IMMP2L: variants seen among roughly 807,000 people sequenced by gnomAD.
IMMP2L encodes the protein inner mitochondrial membrane peptidase subunit 2.
IMMP2L carries 18 observed loss-of-function variants against 19.3 expected under a neutral mutation model. That is an observed-to-expected ratio of 0.93 (90% CI 0.64 to 1.38). The LOEUF is 1.38. Among genes scored for constraint, IMMP2L ranks in the 40% most tolerant of loss-of-function variants. The probability of loss-of-function intolerance (pLI) is 0.00; values close to 1 mark genes in which losing one functional copy is unlikely to be tolerated. For synonymous variants in IMMP2L, 76 were observed against 73.0 expected, an observed-to-expected ratio of 1.04 and a Z score of -0.21; for missense variants, 233 against 218.2, an observed-to-expected ratio of 1.07 and a Z score of -0.43.
chr7:111,207,747 G>A (rs964587449), intron 3 of IMMP2L, among the ~76,000 whole-genome samples: 3 of 151,754 alleles, frequency 2.0e-5, no homozygotes, highest in African/African-American at 7.3e-5. Context: ...TGTTGGCCAG[G>A]ATAGTCTCAA....
chr7:111,539,771 A>C (rs967162044), intron 1 of IMMP2L, among the ~76,000 whole-genome samples: 2 of 152,186 alleles, frequency 1.3e-5, no homozygotes, highest in Non-Finnish European at 2.9e-5. Flanking sequence ...TGAGGTTTGC[A>C]CTATATAATT....
At chr7:110,794,155 A>G (rs1800686534) in intron 5 of IMMP2L, among the ~76,000 whole-genome samples, 1 of 152,138 alleles carries the variant, frequency 6.6e-6, no homozygotes, top group African/African-American at 2.4e-5. Flanking sequence ...TTGGTATCTA[A>G]CGAAATGAAC....
intron 3 of IMMP2L, among the ~76,000 whole-genome samples, chr7:111,176,591 TAGAG>T (rs1807085124): frequency 6.6e-6 from 1 of 151,850 alleles, no homozygotes; most frequent in Admixed American, 6.6e-5. Context: ...CTCATGGAGA[TAGAG>T]AGAAGAATGA....
intron 2 of IMMP2L, among the ~76,000 whole-genome samples, chr7:111,500,909 A>G (rs1469407790): frequency 6.6e-6 from 1 of 152,194 alleles, no homozygotes; most frequent in Non-Finnish European, 1.5e-5. Flanking sequence ...TCTAAAAAGC[A>G]GAGTGCCTCT....
At chr7:110,969,383 A>C (rs895336713) in intron 3 of IMMP2L, among the ~76,000 whole-genome samples, 3 of 151,976 alleles carry the variant, frequency 2.0e-5, no homozygotes, top group South Asian at 2.1e-4. Flanking sequence ...TAAACTATAG[A>C]CTTTAGTTGT....
At chr7:110,958,169 T>G (rs1455405003) in intron 4 of IMMP2L, among the ~76,000 whole-genome samples, 1 of 152,024 alleles carries the variant, frequency 6.6e-6, no homozygotes, top group Non-Finnish European at 1.5e-5. Flanking sequence ...CACATGAACT[T>G]TAAATCAATT....
intron 4 of IMMP2L, among the ~76,000 whole-genome samples, chr7:110,893,564 T>G: frequency 6.6e-6 from 1 of 152,322 alleles, no homozygotes; most frequent in East Asian, 1.9e-4. Flanking sequence ...ATTTTTGACT[T>G]TTTACACAAA....
Position 110,957,152 on chromosome 7 carries a change from T to A in IMMP2L, c.305+6348A>T, listed in dbSNP as rs1312453024. 2.0e-5 allele frequency among the ~76,000 whole-genome samples: 3 copies of A among 151,908 alleles called. No individual in the cohort carries two copies. The East Asian group carries it at 5.8e-4, about 30-fold the overall frequency. ...TCAAGCAATTGCCTTGTGATTTTAA[T>A]CAATGCTGACATCAAGGTAGAAATT... is the stretch of plus-strand genomic sequence containing the variant. On this transcript the variant is annotated intron_variant, in intron 4 of 5. Coordinates refer to ENST00000405709, the MANE Select transcript of IMMP2L (RefSeq NM_032549.4).
chr7:111,536,542 A>G (rs1800826251), intron 1 of IMMP2L, among the ~76,000 whole-genome samples: 1 of 152,082 alleles, frequency 6.6e-6, no homozygotes, highest in African/African-American at 2.4e-5. Flanking sequence ...CCTGAATTCA[A>G]GTGGTCCACC....
At chr7:111,512,475 T>A (rs1440337636) in intron 2 of IMMP2L, among the ~76,000 whole-genome samples, 1 of 152,026 alleles carries the variant, frequency 6.6e-6, no homozygotes, top group East Asian at 1.9e-4. Flanking sequence ...TTACTTTTAA[T>A]ACTATTTATT....
chr7:111,179,869 T>A (rs2129610797), intron 3 of IMMP2L, among the ~76,000 whole-genome samples: 1 of 152,236 alleles, frequency 6.6e-6, no homozygotes, highest in South Asian at 2.1e-4. Flanking sequence ...TACACTTTTA[T>A]GTTACGAAAA....
intron 3 of IMMP2L, among the ~76,000 whole-genome samples, chr7:111,228,087 A>C (rs1813303220): frequency 6.6e-6 from 1 of 152,156 alleles, no homozygotes; most frequent in Non-Finnish European, 1.5e-5. Flanking sequence ...CAGATGGGCC[A>C]ACCAAGAATT....
chr7:111,381,843 C>A (rs1016764352), intron 3 of IMMP2L, among the ~76,000 whole-genome samples: 4 of 151,896 alleles, frequency 2.6e-5, no homozygotes, highest in African/African-American at 9.7e-5. Context: ...CTATAATGAG[C>A]TAAATGGAAG....
chr7:110,772,451 T>C (rs984251708), intron 5 of IMMP2L, among the ~76,000 whole-genome samples: 3 of 152,134 alleles, frequency 2.0e-5, no homozygotes, highest in African/African-American at 7.2e-5. Context: ...AGAACAGCAC[T>C]ATCCTGCCCA....
intron 3 of IMMP2L, among the ~76,000 whole-genome samples, chr7:111,382,940 C>G (rs574490157): frequency 1.1e-3 from 168 of 152,124 alleles, no homozygotes; most frequent in Middle Eastern, 6.8e-3. Context: ...ATATTTATAG[C>G]AAATATTCGA....
At chr7:111,455,330 C>T (rs985555879) in intron 3 of IMMP2L, among the ~76,000 whole-genome samples, 2 of 151,360 alleles carry the variant, frequency 1.3e-5, no homozygotes, top group Non-Finnish European at 3.0e-5. Flanking sequence ...AATTAATGAG[C>T]TTAATAAAGT....
At chr7:110,995,429 C>T (rs1236736244) in intron 3 of IMMP2L, among the ~76,000 whole-genome samples, 2 of 152,102 alleles carry the variant, frequency 1.3e-5, no homozygotes, top group Non-Finnish European at 2.9e-5. Flanking sequence ...CTGTTTTCCT[C>T]AGATGCTAAT....
intron 4 of IMMP2L, among the ~76,000 whole-genome samples, chr7:110,949,648 G>C (rs762032577): frequency 2.0e-5 from 3 of 152,018 alleles, no homozygotes; most frequent in Non-Finnish European, 2.9e-5. Flanking sequence ...GAGTTGAATA[G>C]ATTTCTCAGA....
intron 5 of IMMP2L, among the ~76,000 whole-genome samples, chr7:110,719,598 G>T (rs925236687): frequency 5.9e-5 from 9 of 152,168 alleles, no homozygotes; most frequent in Non-Finnish European, 1.3e-4. Flanking sequence ...TCTTAAGTTT[G>T]AAATGTTTAT....
Sources: allele counts gnomAD v4.1 joint callset (sites outside exome capture counted in the v4.1 genomes callset), GRCh38; gene constraint gnomAD v4.1.1; transcripts MANE v1.5; gene names NCBI Gene and HGNC (gene_info 2026-07-23, HGNC 2026-07-21).